Variants in ERC1 observed in about 807,000 individuals in gnomAD.
The protein encoded by ERC1 is RAB6 interacting protein 2.
Under a neutral mutation model 132.0 loss-of-function variants are expected in ERC1, and 56 were observed. The observed-to-expected ratio is 0.42, with a 90% confidence interval of 0.34 to 0.53. ERC1 has a LOEUF of 0.53. Among genes scored for constraint, ERC1 ranks in the 20% least tolerant of loss-of-function variants. The pLI is 0.03. For synonymous variants in ERC1, 478 were observed against 476.1 expected, an observed-to-expected ratio of 1.00 and a Z score of -0.05; for missense variants, 1,202 against 1,349.9, an observed-to-expected ratio of 0.89 and a Z score of 1.72.
chr12:1,234,355 T>G (rs1035925846), intron 12 of ERC1, among the ~76,000 whole-genome samples: 2 of 152,184 alleles, frequency 1.3e-5, no homozygotes, highest in African/African-American at 2.4e-5. Flanking sequence ...ACTTTCCAGA[T>G]TAGGTGTTTT....
At chr12:1,246,346 A>T (rs1163138552) in intron 13 of ERC1, among the ~76,000 whole-genome samples, 1 of 152,186 alleles carries the variant, frequency 6.6e-6, no homozygotes, top group East Asian at 1.9e-4. Context: ...AAAAAAAAAG[A>T]TAGTATTTTA....
chr12:1,236,985 A>G, intron 13 of ERC1, 81 bp downstream of exon 13: 1 of 1,519,234 alleles, frequency 6.6e-7, no homozygotes, highest in Non-Finnish European at 9.0e-7. Flanking sequence ...CTTCATCTTT[A>G]TCCTCCTCTT....
intron 15 of ERC1, among the ~76,000 whole-genome samples, chr12:1,316,918 G>T (rs2081777665): frequency 6.6e-6 from 1 of 152,174 alleles, no homozygotes; most frequent in African/African-American, 2.4e-5. Context: ...CCAGCACTTT[G>T]GGAGGCCGAG....
chr12:1,124,129 C>G (rs962645333), intron 7 of ERC1, among the ~76,000 whole-genome samples: 7 of 152,166 alleles, frequency 4.6e-5, no homozygotes, highest in Non-Finnish European at 7.3e-5. Context: ...TTAACAAGCT[C>G]AAGTTCATAG....
chr12:1,107,984 G>A (rs1007963337), intron 4 of ERC1, among the ~76,000 whole-genome samples: 1 of 152,190 alleles, frequency 6.6e-6, no homozygotes, highest in African/African-American at 2.4e-5. Context: ...GAGTAGTAAA[G>A]TGAAAAGGAA....
In ERC1 at chr12:1,297,522, C is replaced by T. The variant is rs4354746; in HGVS notation, c.2780+7510C>T. ...TCTGAGACCAGCCTAGACAACATGACGAAACCCTGTTTCTACAAAAAAAAA... is the reference window on the plus strand; with the variant it reads ...TCTGAGACCAGCCTAGACAACATGATGAAACCCTGTTTCTACAAAAAAAAA... On this transcript the variant is annotated intron_variant, in intron 15 of 18. Transcript: ENST00000360905. 5.9e-3 allele frequency among the ~76,000 whole-genome samples: 756 copies of T among 128,608 alleles called. 4 individuals carry two copies. The highest frequency in any genetic ancestry group is 9.8e-3 in the Non-Finnish European group (615 of 62,910). 84.4% of individuals were successfully genotyped at this position (128,608 alleles called of 152,430 possible). A position where few individuals can be genotyped will look rare whatever the true frequency, so the allele number is the denominator to read the frequency against.
chr12:1,368,692 G>A (rs2086890434), intron 15 of ERC1, among the ~76,000 whole-genome samples: 1 of 151,942 alleles, frequency 6.6e-6, no homozygotes, highest in Non-Finnish European at 1.5e-5. Flanking sequence ...TTTTTCAAGA[G>A]GTTGTTCTCC....
chr12:1,326,620 G>A (rs188405643), intron 15 of ERC1, among the ~76,000 whole-genome samples: 2 of 152,160 alleles, frequency 1.3e-5, no homozygotes, highest in Non-Finnish European at 2.9e-5. Flanking sequence ...TATTTTAGAC[G>A]TAGAGACAAA....
chr12:1,396,937 G>A (rs2090591585), intron 16 of ERC1, among the ~76,000 whole-genome samples: 1 of 152,012 alleles, frequency 6.6e-6, no homozygotes. Context: ...GCTTTTCTCT[G>A]CCCTGACTCT....
chr12:1,076,584 G>A (rs932909874), intron 2 of ERC1, among the ~76,000 whole-genome samples: 10 of 151,966 alleles, frequency 6.6e-5, no homozygotes, highest in African/African-American at 2.4e-4. Context: ...TGGTAGAAAC[G>A]GGGTTTCACC....
chr12:1,134,122 T>G (rs887288240), intron 7 of ERC1, among the ~76,000 whole-genome samples: 7 of 152,156 alleles, frequency 4.6e-5, no homozygotes, highest in African/African-American at 1.7e-4. Context: ...TTTCATTCTT[T>G]TGGGTCTTTC....
chr12:1,094,112 G>T (rs527518704), intron 3 of ERC1, among the ~76,000 whole-genome samples: 1 of 149,270 alleles, frequency 6.7e-6, no homozygotes, highest in Non-Finnish European at 1.5e-5. Context: ...TCCGCGTCCC[G>T]GGTTCAAGCA....
chr12:1,309,595 A>G (rs1324350216), intron 15 of ERC1, among the ~76,000 whole-genome samples: 4 of 151,762 alleles, frequency 2.6e-5, no homozygotes, highest in Non-Finnish European at 4.4e-5. Flanking sequence ...AGTATTCTGT[A>G]CCTTCCCCCT....
intron 13 of ERC1, among the ~76,000 whole-genome samples, chr12:1,247,320 A>C (rs936933294): frequency 6.6e-6 from 1 of 152,236 alleles, no homozygotes; most frequent in African/African-American, 2.4e-5. Context: ...TAAGGTTCTC[A>C]GGTTGGTAAA....
chr12:1,440,413 A>G (rs192000965), intron 17 of ERC1, among the ~76,000 whole-genome samples: 1,792 of 149,016 alleles, frequency 0.012, 22 homozygotes, highest in African/African-American at 0.019. Flanking sequence ...TCACCGTGTT[A>G]GCCAGGATGG....
chr12:1,283,739 A>G (rs572353148), intron 14 of ERC1, among the ~76,000 whole-genome samples: 4 of 152,230 alleles, frequency 2.6e-5, no homozygotes, highest in Non-Finnish European at 5.9e-5. Context: ...TGATTTTACT[A>G]ACAGATAAAA....
At chr12:1,055,963 T>C (rs1024763787) in intron 2 of ERC1, among the ~76,000 whole-genome samples, 1 of 151,658 alleles carries the variant, frequency 6.6e-6, no homozygotes, top group Non-Finnish European at 1.5e-5. Context: ...CTGGGCAACA[T>C]AATGAGACCC....
chr12:1,243,825 C>T (rs145113067), intron 13 of ERC1, among the ~76,000 whole-genome samples: 34 of 152,124 alleles, frequency 2.2e-4, no homozygotes, highest in Non-Finnish European at 4.4e-4. Context: ...TTTGAAACCA[C>T]GTTTAGAAAC....
At chr12:1,277,498 A>G (rs966233555) in intron 14 of ERC1, among the ~76,000 whole-genome samples, 1 of 152,224 alleles carries the variant, frequency 6.6e-6, no homozygotes, top group Non-Finnish European at 1.5e-5. Flanking sequence ...GGTTACATTT[A>G]ATAGTTTACA....
Sources: gnomAD v4.1 joint callset for allele counts (sites outside exome capture counted in the v4.1 genomes callset) on GRCh38, gnomAD v4.1.1 for gene constraint, MANE v1.5 for transcripts, NCBI Gene and HGNC (gene_info 2026-07-23, HGNC 2026-07-21) for gene names.